The following PKNOX2 variants were observed in gnomAD, a reference collection of about 807,000 sequenced individuals.
PKNOX2 encodes the protein homeobox protein PKNOX2.
PKNOX2 carries 14 observed loss-of-function variants against 53.1 expected under a neutral mutation model. That is an observed-to-expected ratio of 0.26 (90% CI 0.17 to 0.41). The LOEUF is 0.41. PKNOX2 is among the 10% of genes least tolerant of loss of function. PKNOX2 has a pLI of 1.00. For synonymous variants in PKNOX2, 257 were observed against 242.8 expected, an observed-to-expected ratio of 1.06 and a Z score of -0.54; for missense variants, 496 against 602.8, an observed-to-expected ratio of 0.82 and a Z score of 1.85.
In PKNOX2 at chr11:125,203,243, G is replaced by A. The variant is rs368244474; in HGVS notation, c.-200-31802G>A. The stretch of plus-strand genomic sequence containing the variant: ...AGCAATCCTCCCGCCTCAGACTCGC[G>A]AGTAGCTCAGACCACAAGTGCGCTA... On this transcript the variant is annotated intron_variant, in intron 1 of 12. Coordinates refer to ENST00000298282, the MANE Select transcript of PKNOX2 (RefSeq NM_001382323.2). Among the ~76,000 whole-genome samples, 23 of 152,226 alleles carry A rather than the reference G, an allele frequency of 1.5e-4. No homozygotes were observed. In the East Asian group the frequency reaches 4.3e-3, roughly 28 times the overall value.
chr11:125,243,220 C>T (rs998641662), intron 2 of PKNOX2, among the ~76,000 whole-genome samples: 1 of 152,178 alleles, frequency 6.6e-6, no homozygotes, highest in African/African-American at 2.4e-5. Flanking sequence ...CTGATTTGAA[C>T]TCTGGGACTT....
intron 2 of PKNOX2, among the ~76,000 whole-genome samples, chr11:125,292,953 G>A (rs71474139): frequency 0.013 from 1,905 of 152,240 alleles, 26 homozygotes; most frequent in Non-Finnish European, 0.02. Context: ...GGTGTTTTGC[G>A]GGGAGCGTCG....
chr11:125,239,828 C>G (rs1248216517), intron 2 of PKNOX2: 2 of 152,276 alleles, frequency 1.3e-5, no homozygotes, highest in Non-Finnish European at 2.9e-5. Context: ...TCCATCTAGG[C>G]TGGTAGTCCT....
At chr11:125,245,900 G>A (rs1591494478) in intron 2 of PKNOX2, among the ~76,000 whole-genome samples, 3 of 152,224 alleles carry the variant, frequency 2.0e-5, no homozygotes. Context: ...AAAGTCCAGG[G>A]GTTTTGTTTT....
chr11:125,329,676 G>A (rs748511707), intron 2 of PKNOX2, among the ~76,000 whole-genome samples: 40 of 152,230 alleles, frequency 2.6e-4, no homozygotes, highest in Admixed American at 5.9e-4. Context: ...CAGCCAGAAT[G>A]TTTGCATGAA....
At chr11:125,399,221 C>T (rs1954590767) in intron 7 of PKNOX2, among the ~76,000 whole-genome samples, 2 of 152,246 alleles carry the variant, frequency 1.3e-5, no homozygotes, top group African/African-American at 2.4e-5. Context: ...CTCTTCCTCT[C>T]GCTTGAAATC....
chr11:125,183,585 C>T (rs1956276540), intron 1 of PKNOX2, among the ~76,000 whole-genome samples: 2 of 152,168 alleles, frequency 1.3e-5, no homozygotes, highest in African/African-American at 4.8e-5. Context: ...ACTCTCTGAG[C>T]CACCTCTCTC....
At chr11:125,202,763 C>A (rs1004407565) in intron 1 of PKNOX2, among the ~76,000 whole-genome samples, 1 of 152,062 alleles carries the variant, frequency 6.6e-6, no homozygotes, top group African/African-American at 2.4e-5. Context: ...ATTTCATCAC[C>A]CCTTCAGGCT....
chr11:125,337,669 C>T (rs1950496706), intron 3 of PKNOX2, among the ~76,000 whole-genome samples: 1 of 152,160 alleles, frequency 6.6e-6, no homozygotes, highest in Non-Finnish European at 1.5e-5. Context: ...TCTGAAGTCA[C>T]CTGTCTGCTT....
At chr11:125,312,116 G>C (rs1208944397) in intron 2 of PKNOX2, among the ~76,000 whole-genome samples, 1 of 152,212 alleles carries the variant, frequency 6.6e-6, no homozygotes, top group Non-Finnish European at 1.5e-5. Flanking sequence ...GGGAAAAACA[G>C]TGCGTAACTT....
intron 1 of PKNOX2, among the ~76,000 whole-genome samples, chr11:125,213,434 T>C (rs1419616141): frequency 1.3e-5 from 2 of 152,156 alleles, no homozygotes; most frequent in African/African-American, 4.8e-5. Context: ...TCAGTGCTCA[T>C]TGTCTCCTCA....
chr11:125,293,996 G>T (rs1947491872), intron 2 of PKNOX2, among the ~76,000 whole-genome samples: 1 of 152,146 alleles, frequency 6.6e-6, no homozygotes, highest in South Asian at 2.1e-4. Flanking sequence ...GAACAATTTT[G>T]AGCAATGAAA....
chr11:125,285,770 C>T, intron 2 of PKNOX2, among the ~76,000 whole-genome samples: 1 of 152,212 alleles, frequency 6.6e-6, no homozygotes, highest in Non-Finnish European at 1.5e-5. Context: ...TTAAATTACA[C>T]AAATTTGCAT....
At chr11:125,410,631 C>T in intron 8 of PKNOX2, 148 bp from the exon 9 acceptor site, 2 of 678,262 alleles carry the variant, frequency 2.9e-6, no homozygotes, top group South Asian at 3.8e-5. Context: ...CCCCCACCCA[C>T]CCATAAAGCA....
At chr11:125,381,187 C>A (rs1313796875) in intron 5 of PKNOX2, among the ~76,000 whole-genome samples, 1 of 152,110 alleles carries the variant, frequency 6.6e-6, no homozygotes, top group Non-Finnish European at 1.5e-5. Flanking sequence ...TGACCATGAC[C>A]ATGGATCACA....
chr11:125,359,129 T>C (rs1951784839), intron 4 of PKNOX2, among the ~76,000 whole-genome samples: 1 of 151,954 alleles, frequency 6.6e-6, no homozygotes, highest in African/African-American at 2.4e-5. Context: ...GTGGACACCA[T>C]CGGAAAGGCA....
chr11:125,289,146 T>A (rs1422859349), intron 2 of PKNOX2, among the ~76,000 whole-genome samples: 4 of 152,162 alleles, frequency 2.6e-5, no homozygotes, highest in African/African-American at 9.7e-5. Context: ...TCCTCAGCCT[T>A]CAAGCGGAAC....
intron 6 of PKNOX2, among the ~76,000 whole-genome samples, chr11:125,389,143 C>T (rs55738445): frequency 0.046 from 6,964 of 152,146 alleles, 340 homozygotes; most frequent in Admixed American, 0.14. Context: ...TGCAGTGAGC[C>T]GAGATCATGC....
intron 2 of PKNOX2, among the ~76,000 whole-genome samples, chr11:125,285,677 C>A (rs1946852041): frequency 6.6e-6 from 1 of 152,216 alleles, no homozygotes; most frequent in Admixed American, 6.5e-5. Flanking sequence ...GTGCTGGAGC[C>A]AGCTGGTGCC....
Sources: gnomAD v4.1 joint callset for allele counts (sites outside exome capture counted in the v4.1 genomes callset) on GRCh38, gnomAD v4.1.1 for gene constraint, MANE v1.5 for transcripts, NCBI Gene and HGNC (gene_info 2026-07-23, HGNC 2026-07-21) for gene names.